STXBP5L: variants seen among roughly 807,000 people sequenced by gnomAD.
The protein encoded by STXBP5L is syntaxin binding protein 5L.
Under a neutral mutation model 144.5 loss-of-function variants are expected in STXBP5L, and 65 were observed. That is an observed-to-expected ratio of 0.45 (90% CI 0.37 to 0.55). STXBP5L has a LOEUF of 0.55. STXBP5L is among the 20% of genes least tolerant of loss of function. The pLI, the probability that STXBP5L is intolerant of heterozygous loss-of-function variation, is 0.00. For missense variants in STXBP5L, 1,298 were observed against 1,405.5 expected (o/e 0.92, Z 1.22); for synonymous variants, 505 against 469.6 (o/e 1.08, Z -0.97).
At chr3:121,031,035 C>T (rs1463867270) in intron 3 of STXBP5L, among the ~76,000 whole-genome samples, 1 of 152,084 alleles carries the variant, frequency 6.6e-6, no homozygotes, top group African/African-American at 2.4e-5. Flanking sequence ...ATTATGATCT[C>T]TTCTCCCACT....
At chr3:121,390,589 A>C (rs1466778673) in intron 22 of STXBP5L, among the ~76,000 whole-genome samples, 1 of 152,208 alleles carries the variant, frequency 6.6e-6, no homozygotes, top group Admixed American at 6.5e-5. Flanking sequence ...CCTGGTGGTG[A>C]CAAAATCTCT....
chr3:120,960,919 A>AT (rs879713083), intron 3 of STXBP5L, among the ~76,000 whole-genome samples: 5 of 152,026 alleles, frequency 3.3e-5, no homozygotes, highest in Non-Finnish European at 7.4e-5. Flanking sequence ...TAAAAAAAAA[A>AT]GGAATTCAGC....
chr3:121,322,208 G>A (rs879780053), intron 20 of STXBP5L, among the ~76,000 whole-genome samples: 10 of 152,164 alleles, frequency 6.6e-5, no homozygotes, highest in Non-Finnish European at 8.8e-5. Context: ...GCTGGGCGCC[G>A]TGGCTCACGC....
At chr3:120,908,698 C>T (rs1246410994) in intron 1 of STXBP5L, among the ~76,000 whole-genome samples, 1 of 151,636 alleles carries the variant, frequency 6.6e-6, no homozygotes, top group Non-Finnish European at 1.5e-5. Flanking sequence ...CAGCCGTCGC[C>T]GCCACCGCTT....
intron 9 of STXBP5L, among the ~76,000 whole-genome samples, chr3:121,173,609 T>C: frequency 6.6e-6 from 1 of 151,982 alleles, no homozygotes; most frequent in East Asian, 1.9e-4. Context: ...ACATAATCGA[T>C]TAACAACTAT....
chr3:120,973,946 G>T (rs1940604143), intron 3 of STXBP5L, among the ~76,000 whole-genome samples: 1 of 152,078 alleles, frequency 6.6e-6, no homozygotes, highest in South Asian at 2.1e-4. Context: ...AATCATTGTT[G>T]GACATTTGGG....
rs141250658 is a variant in STXBP5L at position 121,187,201 on chromosome 3, C to T, written c.878-18722C>T. ...ATGAAGAAAATGTGGCACATGTACA[C>T]CATGGAATACTATGCAGCCATAAAA... On this transcript the variant is annotated intron_variant, in intron 9 of 26. Transcript: ENST00000471454. Among the ~76,000 whole-genome samples, 900 of 152,198 alleles carry T rather than the reference C, an allele frequency of 5.9e-3. 5 individuals are homozygous for T. The highest frequency in any genetic ancestry group is 0.014 in the Middle Eastern group (4 of 294).
intron 2 of STXBP5L, among the ~76,000 whole-genome samples, chr3:120,954,608 G>T (rs1274448537): frequency 6.6e-6 from 1 of 151,704 alleles, no homozygotes; most frequent in African/African-American, 2.4e-5. Flanking sequence ...GAATACAGCT[G>T]GTAGGGTCTT....
intron 3 of STXBP5L, among the ~76,000 whole-genome samples, chr3:121,040,437 A>G (rs1404930984): frequency 6.6e-6 from 1 of 152,102 alleles, no homozygotes; most frequent in African/African-American, 2.4e-5. Context: ...TTGCCTCAAC[A>G]TAAACTTTAT....
chr3:121,050,953 G>C (rs1317338034), intron 5 of STXBP5L, among the ~76,000 whole-genome samples: 1 of 152,008 alleles, frequency 6.6e-6, no homozygotes, highest in Non-Finnish European at 1.5e-5. Context: ...TGATAAAACA[G>C]ACTTTAAACC....
At chr3:121,334,386 C>G (rs1390233414) in intron 20 of STXBP5L, among the ~76,000 whole-genome samples, 1 of 152,048 alleles carries the variant, frequency 6.6e-6, no homozygotes, top group Non-Finnish European at 1.5e-5. Flanking sequence ...TTCTCTCCAA[C>G]TCATTTTTTG....
At chr3:121,070,810 G>A (rs2041776147) in intron 5 of STXBP5L, among the ~76,000 whole-genome samples, 1 of 152,138 alleles carries the variant, frequency 6.6e-6, no homozygotes, top group African/African-American at 2.4e-5. Flanking sequence ...CCTTTTATGC[G>A]AGTACGGGAA....
intron 21 of STXBP5L, among the ~76,000 whole-genome samples, chr3:121,380,922 A>G (rs2046308660): frequency 6.6e-6 from 1 of 152,160 alleles, no homozygotes; most frequent in Non-Finnish European, 1.5e-5. Context: ...ATTCAGAGGT[A>G]GGAGGGAAGC....
At chr3:120,935,384 GA>G (rs979842972) in intron 2 of STXBP5L, among the ~76,000 whole-genome samples, 63 of 146,142 alleles carry the variant, frequency 4.3e-4, no homozygotes, top group Middle Eastern at 3.5e-3. Flanking sequence ...TACTATTTTT[GA>G]AAAAAAAAAT....
At chr3:121,248,861 T>C (rs769433146) in intron 14 of STXBP5L, among the ~76,000 whole-genome samples, 13 of 152,214 alleles carry the variant, frequency 8.5e-5, no homozygotes, top group Non-Finnish European at 1.5e-4. Flanking sequence ...CTCTTTTGCA[T>C]ATGGCTAGCC....
At chr3:121,052,390 A>C (rs1232004586) in intron 5 of STXBP5L, among the ~76,000 whole-genome samples, 1 of 152,222 alleles carries the variant, frequency 6.6e-6, no homozygotes, top group Admixed American at 6.5e-5. Context: ...CAAAAAGCTT[A>C]TCCACCATGA....
At chr3:121,416,797 A>G (rs2047250258) in intron 25 of STXBP5L, among the ~76,000 whole-genome samples, 1 of 151,828 alleles carries the variant, frequency 6.6e-6, no homozygotes, top group Non-Finnish European at 1.5e-5. Context: ...GAGCCACCAC[A>G]CCCAGCCTCA....
intron 3 of STXBP5L, among the ~76,000 whole-genome samples, chr3:121,036,349 T>C (rs1459741827): frequency 2.0e-5 from 3 of 152,110 alleles, no homozygotes. Flanking sequence ...AAATTGATTT[T>C]GCATTCTACA....
At chr3:121,179,515 T>A (rs544377071) in intron 9 of STXBP5L, among the ~76,000 whole-genome samples, 41 of 152,096 alleles carry the variant, frequency 2.7e-4, no homozygotes, top group Non-Finnish European at 2.6e-4. Flanking sequence ...TCTGATAATA[T>A]GACAAAACAG....
Sources: gnomAD v4.1 joint callset for allele counts (sites outside exome capture counted in the v4.1 genomes callset) on GRCh38, gnomAD v4.1.1 for gene constraint, MANE v1.5 for transcripts, NCBI Gene and HGNC (gene_info 2026-07-23, HGNC 2026-07-21) for gene names.